Variants in CACNA1E observed in about 807,000 individuals in gnomAD.
CACNA1E encodes calcium voltage-gated channel subunit alpha1 E.
CACNA1E carries 40 observed loss-of-function variants against 259.2 expected under a neutral mutation model. The ratio of observed to expected loss-of-function variants is 0.15; its 90% CI spans 0.12 to 0.20. The LOEUF is 0.20. CACNA1E is among the 10% of genes least tolerant of loss of function. The pLI is 1.00. For missense variants in CACNA1E, 1,874 were observed against 3,040.1 expected (o/e 0.62, Z 9.02); for synonymous variants, 1,104 against 1,138.5 (o/e 0.97, Z 0.61).
At chr1:181,365,424 G>A (rs563193623) in intron 1 of CACNA1E, among the ~76,000 whole-genome samples, 20 of 152,350 alleles carry the variant, frequency 1.3e-4, no homozygotes, top group African/African-American at 4.8e-4. Flanking sequence ...TTCCCGCCTT[G>A]ACCTCCCAAA....
At chr1:181,547,685 G>A (rs184135940) in intron 3 of CACNA1E, among the ~76,000 whole-genome samples, 5 of 152,332 alleles carry the variant, frequency 3.3e-5, no homozygotes, top group South Asian at 2.1e-4. Context: ...CAACAGCGGC[G>A]GAGATGCAGT....
At chr1:181,598,538 A>C (rs1444130168) in intron 6 of CACNA1E, among the ~76,000 whole-genome samples, 1 of 152,142 alleles carries the variant, frequency 6.6e-6, no homozygotes, top group Admixed American at 6.5e-5. Flanking sequence ...GGGGTGGAAA[A>C]TGCCTGGAGA....
intron 3 of CACNA1E, among the ~76,000 whole-genome samples, chr1:181,565,966 A>G (rs1649788947): frequency 6.6e-6 from 1 of 152,098 alleles, no homozygotes; most frequent in Non-Finnish European, 1.5e-5. Context: ...CTCAAAGAAC[A>G]TGTATTTATG....
intron 7 of CACNA1E, among the ~76,000 whole-genome samples, chr1:181,710,261 T>C (rs1168021473): frequency 6.6e-6 from 1 of 151,808 alleles, no homozygotes; most frequent in Non-Finnish European, 1.5e-5. Flanking sequence ...TCCCTTCCTT[T>C]CTTATTTAAC....
intron 12 of CACNA1E, 111 bp from the exon 13 acceptor site, chr1:181,719,640 T>A: frequency 1.9e-6 from 1 of 535,836 alleles, no homozygotes. Context: ...GAGAGGAGAG[T>A]TTTTATTTCC....
At chr1:181,581,079 G>A (rs927603255) in intron 6 of CACNA1E, among the ~76,000 whole-genome samples, 4 of 152,110 alleles carry the variant, frequency 2.6e-5, no homozygotes, top group African/African-American at 7.2e-5. Context: ...TTGGTTGGAC[G>A]TGGCGGTAGG....
At chr1:181,551,286 G>A (rs1453732113) in intron 3 of CACNA1E, among the ~76,000 whole-genome samples, 1 of 152,160 alleles carries the variant, frequency 6.6e-6, no homozygotes, top group African/African-American at 2.4e-5. Context: ...AGGAAAAACT[G>A]GGCCTCCCCC....
intron 1 of CACNA1E, among the ~76,000 whole-genome samples, chr1:181,338,647 A>G (rs12740568): frequency 0.1 from 15,809 of 152,082 alleles, 1,104 homozygotes; most frequent in Middle Eastern, 0.19. Context: ...TGCTGTTCAG[A>G]AGCTTTTTAG....
chr1:181,516,899 C>G (rs1007418130), intron 3 of CACNA1E, among the ~76,000 whole-genome samples: 1 of 152,200 alleles, frequency 6.6e-6, no homozygotes, highest in Non-Finnish European at 1.5e-5. Flanking sequence ...CCCTTTACTG[C>G]GGAGCACATG....
At position 181,453,537 on chromosome 1, in the gene CACNA1E, G is replaced by T. The variant is rs1429126452; in HGVS notation, c.435-30207G>T. Among the ~76,000 whole-genome samples the T allele has an allele frequency of 3.9e-5, 6 of 152,216 alleles. 1 individual carries two copies. The highest frequency in any genetic ancestry group is 2.6e-4 in the Admixed American group (4 of 15,286). ...GAGGAGGCAGGGAGGGGTGGATGGA[G>T]TAAGTGCTGAGGGTGGCCTGAAAAT... On this transcript the variant is annotated intron_variant, in intron 2 of 11. Coordinates refer to the CACNA1E transcript ENST00000524607.
chr1:181,529,298 T>G (rs1667601453), intron 3 of CACNA1E, among the ~76,000 whole-genome samples: 1 of 152,190 alleles, frequency 6.6e-6, no homozygotes. Context: ...CACCTAGATT[T>G]CAGAAGTTGT....
chr1:181,685,710 A>G (rs144457731), intron 7 of CACNA1E, among the ~76,000 whole-genome samples: 21 of 152,298 alleles, frequency 1.4e-4, no homozygotes, highest in Non-Finnish European at 2.5e-4. Context: ...GGAAAGCACA[A>G]ACAGACCTAT....
chr1:181,548,312 T>C (rs867216288), intron 3 of CACNA1E, among the ~76,000 whole-genome samples: 1 of 152,006 alleles, frequency 6.6e-6, no homozygotes, highest in Non-Finnish European at 1.5e-5. Context: ...TTTTAGTAGA[T>C]ACGGGGTTTC....
intron 3 of CACNA1E, among the ~76,000 whole-genome samples, chr1:181,574,581 T>C (rs1011023405): frequency 9.9e-5 from 15 of 152,220 alleles, no homozygotes; most frequent in Admixed American, 2.6e-4. Context: ...ATGAGTAAAA[T>C]GGTGCCTCCA....
chr1:181,412,205 C>G (rs1194425425), intron 1 of CACNA1E, among the ~76,000 whole-genome samples: 1 of 152,124 alleles, frequency 6.6e-6, no homozygotes, highest in Admixed American at 6.5e-5. Flanking sequence ...CACACGTGGC[C>G]CCAGGTCCTG....
chr1:181,462,726 AT>A (rs1300058186), intron 2 of CACNA1E, among the ~76,000 whole-genome samples: 2 of 152,152 alleles, frequency 1.3e-5, no homozygotes, highest in Non-Finnish European at 2.9e-5. Flanking sequence ...ATGTATATGA[AT>A]TTTTTGAGTT....
intron 2 of CACNA1E, among the ~76,000 whole-genome samples, chr1:181,437,244 T>A (rs536588905): frequency 6.6e-6 from 1 of 152,288 alleles, no homozygotes; most frequent in African/African-American, 2.4e-5. Context: ...TTATATTCTC[T>A]TTTAAAATTT....
At chr1:181,658,301 C>G (rs887433665) in intron 7 of CACNA1E, among the ~76,000 whole-genome samples, 8 of 152,178 alleles carry the variant, frequency 5.3e-5, no homozygotes, top group Non-Finnish European at 7.3e-5. Context: ...CATTCTCTTA[C>G]GTCTTTCTCT....
At chr1:181,639,545 C>T (rs781042362) in intron 6 of CACNA1E, among the ~76,000 whole-genome samples, 1 of 152,234 alleles carries the variant, frequency 6.6e-6, no homozygotes, top group Non-Finnish European at 1.5e-5. Flanking sequence ...TAGGTCAGCT[C>T]TGCCTTCCGA....
Sources: allele counts gnomAD v4.1 joint callset (sites outside exome capture counted in the v4.1 genomes callset), GRCh38; gene constraint gnomAD v4.1.1; transcripts MANE v1.5; gene names NCBI Gene and HGNC (gene_info 2026-07-23, HGNC 2026-07-21).